Variants in LCORL observed in about 807,000 individuals in gnomAD.
The protein encoded by LCORL is ligand-dependent nuclear receptor corepressor-like protein.
In LCORL, 41 loss-of-function variants were observed where a neutral mutation model predicts 141.8. That is an observed-to-expected ratio of 0.29 (90% CI 0.23 to 0.38). The LOEUF (loss-of-function observed/expected upper bound fraction) is 0.38, where lower values mean the gene tolerates loss of function less well. LCORL is among the 10% of genes least tolerant of loss of function. The pLI is 1.00. For missense variants in LCORL, 1,759 were observed against 2,035.0 expected, an observed-to-expected ratio of 0.86 and a Z score of 2.61; for synonymous variants, 618 against 694.1, an observed-to-expected ratio of 0.89 and a Z score of 1.72.
chr4:17,980,904 T>C (rs989088721), intron 1 of LCORL, among the ~76,000 whole-genome samples: 4 of 152,122 alleles, frequency 2.6e-5, no homozygotes, highest in African/African-American at 9.7e-5. Flanking sequence ...TGCCTAACGA[T>C]CTGAGGGGGA....
chr4:17,936,664 G>A (rs910592947), intron 4 of LCORL, among the ~76,000 whole-genome samples: 1 of 152,162 alleles, frequency 6.6e-6, no homozygotes, highest in Admixed American at 6.5e-5. Flanking sequence ...GAAAATTTAT[G>A]TGAACTTATT....
intron 4 of LCORL, among the ~76,000 whole-genome samples, chr4:17,947,987 A>G (rs1459120920): frequency 6.6e-6 from 1 of 152,024 alleles, no homozygotes; most frequent in African/African-American, 2.4e-5. Context: ...AGAGTTTATC[A>G]AGCAAACAGG....
intron 6 of LCORL, chr4:17,883,794 A>C: frequency 6.4e-7 from 1 of 1,550,666 alleles, no homozygotes. Context: ...GTGTCTGGTA[A>C]TCGTAGTTTC....
intron 4 of LCORL, among the ~76,000 whole-genome samples, chr4:17,942,149 A>G (rs1018548962): frequency 1.2e-4 from 18 of 152,234 alleles, no homozygotes; most frequent in African/African-American, 4.1e-4. Flanking sequence ...AATGTAAAAC[A>G]AAGTAAAAGT....
At chr4:17,892,642 G>A (rs1299128850) in intron 5 of LCORL, among the ~76,000 whole-genome samples, 1 of 152,142 alleles carries the variant, frequency 6.6e-6, no homozygotes, top group Non-Finnish European at 1.5e-5. Context: ...AAAGTAAAGT[G>A]CTTATAGTGA....
At chr4:17,871,259 TA>T (rs993234164) in intron 7 of LCORL, among the ~76,000 whole-genome samples, 3 of 151,728 alleles carry the variant, frequency 2.0e-5, no homozygotes, top group Admixed American at 6.6e-5. Context: ...AAAAGAATGT[TA>T]AAAAATAAAG....
At chr4:18,015,993 G>C (rs1334943853) in intron 1 of LCORL, among the ~76,000 whole-genome samples, 1 of 151,872 alleles carries the variant, frequency 6.6e-6, no homozygotes. Context: ...GTGATACCCT[G>C]TGATTCTAAA....
At chr4:17,959,072 G>A in intron 4 of LCORL, among the ~76,000 whole-genome samples, 1 of 152,050 alleles carries the variant, frequency 6.6e-6, no homozygotes, top group South Asian at 2.1e-4. Context: ...TGCTTGAGCT[G>A]TATTTAAGTA....
At chr4:17,859,895 CT>C (rs1280597240) in intron 7 of LCORL, among the ~76,000 whole-genome samples, 1 of 152,146 alleles carries the variant, frequency 6.6e-6, no homozygotes, top group Non-Finnish European at 1.5e-5. Context: ...GGAATTTATT[CT>C]TCATTCTTAG....
chr4:17,841,715 C>T (rs1722424662), exon 8 of LCORL: 1 of 151,908 alleles, frequency 6.6e-6, no homozygotes, highest in South Asian at 2.1e-4. Flanking sequence ...CAAACTTTGT[C>T]TTACTCCTTA....
At chr4:17,905,088 T>C (rs999822087) in intron 5 of LCORL, among the ~76,000 whole-genome samples, 4 of 152,178 alleles carry the variant, frequency 2.6e-5, no homozygotes, top group African/African-American at 9.6e-5. Flanking sequence ...TTCCTGTTGT[T>C]GCAGCTATTG....
intron 4 of LCORL, among the ~76,000 whole-genome samples, chr4:17,918,764 A>ATT (rs1733848375): frequency 6.6e-6 from 1 of 152,202 alleles, no homozygotes; most frequent in African/African-American, 2.4e-5. Flanking sequence ...TATTCCCAAA[A>ATT]GGAAAGAAGA....
intron 7 of LCORL, among the ~76,000 whole-genome samples, chr4:17,866,526 C>G (rs776788001): frequency 1.3e-5 from 2 of 152,022 alleles, no homozygotes; most frequent in Non-Finnish European, 1.5e-5. Context: ...TAAAATCTAG[C>G]TTTCTATGTT....
At chr4:17,963,022 C>G in exon 3 of LCORL, 1 of 1,595,320 alleles carries the variant, frequency 6.3e-7, no homozygotes, top group Non-Finnish European at 8.5e-7. Flanking sequence ...ATCCATAGAC[C>G]AGTCAGTCAG....
chr4:17,866,743 C>T (rs189562552), intron 7 of LCORL, among the ~76,000 whole-genome samples: 3 of 151,988 alleles, frequency 2.0e-5, no homozygotes, highest in East Asian at 1.9e-4. Context: ...CTTAACGTTA[C>T]GATAATCACA....
At chr4:17,999,013 T>TACAC (rs1175197452) in intron 1 of LCORL, among the ~76,000 whole-genome samples, 1 of 38,862 alleles carries the variant, frequency 2.6e-5, no homozygotes, top group African/African-American at 5.5e-5. Flanking sequence ...TACACACATA[T>TACAC]ATATATATAT....
intron 6 of LCORL, chr4:17,883,370 A>T (rs571773148): frequency 8.0e-4 from 818 of 1,027,772 alleles, no homozygotes; most frequent in Non-Finnish European, 9.2e-4. Flanking sequence ...TCTTTCACCA[A>T]TAAAAATGTT....
chr4:17,898,898 T>TAAG (rs1182100720), intron 5 of LCORL, among the ~76,000 whole-genome samples: 1 of 152,204 alleles, frequency 6.6e-6, no homozygotes, highest in Non-Finnish European at 1.5e-5. Flanking sequence ...ATACTGTCAA[T>TAAG]GCCTCCATAA....
At chr4:17,979,575 G>A (rs1448130817) in intron 1 of LCORL, among the ~76,000 whole-genome samples, 1 of 152,026 alleles carries the variant, frequency 6.6e-6, no homozygotes, top group African/African-American at 2.4e-5. Flanking sequence ...AAATTAAATT[G>A]GTATCTAATC....
Sources: allele counts gnomAD v4.1 joint callset (sites outside exome capture counted in the v4.1 genomes callset), GRCh38; gene constraint gnomAD v4.1.1; transcripts MANE v1.5; gene names NCBI Gene and HGNC (gene_info 2026-07-23, HGNC 2026-07-21).